CECR2: variants seen among roughly 807,000 people sequenced by gnomAD.
CECR2 encodes the protein CECR2 histone acetyl-lysine reader.
CECR2 carries 30 observed loss-of-function variants against 154.5 expected under a neutral mutation model. The observed-to-expected ratio is 0.19, with a 90% CI of 0.15 to 0.26. The LOEUF (loss-of-function observed/expected upper bound fraction) is 0.26. Among genes scored for constraint, CECR2 ranks in the 10% least tolerant of loss-of-function variants. The pLI is 1.00. For missense variants in CECR2, 1,743 were observed against 1,829.3 expected, an observed-to-expected ratio of 0.95 and a Z score of 0.86; for synonymous variants, 725 against 683.7, an observed-to-expected ratio of 1.06 and a Z score of -0.94.
At position 17,549,456 on chromosome 22, in the gene CECR2, A is replaced by AT; in HGVS notation, c.4170dup (p.Arg1391SerfsTer21). The AT allele has an allele frequency of 6.2e-7, 1 of 1,612,240 alleles. No individual in the cohort carries two copies. The highest frequency in any genetic ancestry group is 8.5e-7 in the Non-Finnish European group (1 of 1,179,142). On this transcript the variant is annotated frameshift_variant, in exon 17 of 19. Coordinates refer to ENST00000262608, the MANE Select transcript of CECR2 (RefSeq NM_001290047.2). LOFTEE classifies it high-confidence loss of function. ...GGCCTCTCTCAGGAGGGTCCCATCT[A>AT]TCGCTGCCAGGAAGAAGGCCTGGGT...
rs574214787 is a variant in CECR2 at position 17,378,132 on chromosome 22, C to T, written c.126+8223C>T. Among the ~76,000 whole-genome samples, 637 of 151,528 alleles carry T rather than the reference C, an allele frequency of 4.2e-3. 1 individual carries two copies. The highest frequency in any genetic ancestry group is 7.1e-3 in the Non-Finnish European group (483 of 67,942). ...CTGAGTAGCTGGGACTACAGGTGCC[C>T]ACCACCACGCCCGGCTAATTTTTTG... is the stretch of plus-strand genomic sequence containing the variant. On this transcript the variant is annotated intron_variant, in intron 1 of 18. Coordinates refer to ENST00000262608, the MANE Select transcript of CECR2 (RefSeq NM_001290047.2).
intron 1 of CECR2, among the ~76,000 whole-genome samples, chr22:17,379,581 G>GGTGTGTGTGTATGTGTGTGTGT (rs1555899688): frequency 4.4e-5 from 6 of 137,814 alleles, no homozygotes; most frequent in Non-Finnish European, 6.3e-5. Flanking sequence ...CTACGTTGAA[G>GGTGTGTGTGTATGTGTGTGTGT]GTGTGTGTGT....
chr22:17,459,561 G>A (rs2054905849), intron 1 of CECR2, among the ~76,000 whole-genome samples: 1 of 152,118 alleles, frequency 6.6e-6, no homozygotes. Flanking sequence ...GACTCCCCCG[G>A]CGTCGGCCTC....
chr22:17,377,589 T>A (rs2063132854), intron 1 of CECR2, among the ~76,000 whole-genome samples: 2 of 152,172 alleles, frequency 1.3e-5, no homozygotes, highest in African/African-American at 4.8e-5. Flanking sequence ...GTTTCTTATA[T>A]CTCATGTCAT....
At chr22:17,485,456 C>T (rs2055403307) in intron 2 of CECR2, among the ~76,000 whole-genome samples, 1 of 152,190 alleles carries the variant, frequency 6.6e-6, no homozygotes, top group Admixed American at 6.5e-5. Context: ...TACACCCGAA[C>T]CCAATTATAC....
At chr22:17,396,261 A>G (rs1333832804) in intron 1 of CECR2, among the ~76,000 whole-genome samples, 2 of 125,932 alleles carry the variant, frequency 1.6e-5, no homozygotes, top group African/African-American at 6.1e-5. Context: ...AAAAAAAAAC[A>G]AGGCCAGGCG....
In CECR2 at chr22:17,503,148, G is replaced by T. The variant is rs1161089057; in HGVS notation, c.700+17G>T. The T allele has an allele frequency of 1.2e-6, 2 of 1,603,784 alleles. No individual in the cohort carries two copies. The highest frequency in any genetic ancestry group is 1.7e-6 in the Non-Finnish European group (2 of 1,173,220). On this transcript the variant is annotated intron_variant, in intron 6 of 18. Transcript: ENST00000262608. ...CAAGACATGGTAATGTTCTTTACTGGCATTTAGAAAGAATTAAATAAATAT... is the reference window on the plus strand; with the variant it reads ...CAAGACATGGTAATGTTCTTTACTGTCATTTAGAAAGAATTAAATAAATAT...
chr22:17,490,361 C>T (rs926721979), intron 2 of CECR2, among the ~76,000 whole-genome samples: 2 of 152,114 alleles, frequency 1.3e-5, no homozygotes, highest in Non-Finnish European at 2.9e-5. Flanking sequence ...TCTGCTTTGT[C>T]TCATATTAAT....
At chr22:17,379,478 A>G (rs748825005) in intron 1 of CECR2, among the ~76,000 whole-genome samples, 1 of 152,040 alleles carries the variant, frequency 6.6e-6, no homozygotes, top group East Asian at 1.9e-4. Context: ...ATTGCCTGTC[A>G]GGGCACAAGG....
chr22:17,440,607 T>C (rs1035971782), intron 1 of CECR2, among the ~76,000 whole-genome samples: 6 of 152,294 alleles, frequency 3.9e-5, no homozygotes, highest in South Asian at 2.1e-4. Context: ...GCTGGGACTT[T>C]TATTGATTTA....
intron 2 of CECR2, among the ~76,000 whole-genome samples, chr22:17,482,115 CAAAAAAAAAAAAAA>C (rs869050391): frequency 2.9e-4 from 22 of 76,314 alleles, no homozygotes; most frequent in East Asian, 5.0e-4. Context: ...ACTCTGTCTC[CAAAAAAAAAAAAAA>C]AAAAAAAAAA....
In CECR2 at chr22:17,511,883, C is replaced by T. The variant is rs748289376; in HGVS notation, c.941C>T (p.Pro314Leu). 2 of 1,611,260 alleles carry T rather than the reference C, an allele frequency of 1.2e-6. No individual in the cohort carries two copies. The highest frequency in any genetic ancestry group is 1.7e-6 in the Non-Finnish European group (2 of 1,178,184). The change falls in exon 8 of 19, where the codon CCC (proline) becomes CTC (leucine). Residue 314 changes from proline to leucine, a missense_variant. Around this residue, in one of 4 missense-constraint regions of CECR2, gnomAD observed 292 missense variants for 301.2 expected, o/e 0.97. Transcript: ENST00000262608. Reference protein sequence around the residue: ...RWMSDHLSIKPVKQEETPVLT... With the variant: ...RWMSDHLSIKLVKQEETPVLT... ...ATGTCTGACCACCTGTCCATCAAAC[C>T]CGTCAAGCAAGAGGTGAGTGTGGGT... is the stretch of plus-strand genomic sequence containing the variant.
chr22:17,364,216 G>A (rs190450793), intron 1 of CECR2, among the ~76,000 whole-genome samples: 2,063 of 151,516 alleles, frequency 0.014, 54 homozygotes, highest in African/African-American at 0.048. Context: ...GGTGGCAGGC[G>A]CCTGTAGTCC....
At chr22:17,364,179 T>C (rs911601645) in intron 1 of CECR2, among the ~76,000 whole-genome samples, 26 of 151,306 alleles carry the variant, frequency 1.7e-4, no homozygotes, top group Non-Finnish European at 5.9e-5. Context: ...CCGTCTCTAC[T>C]AAAAATACAA....
chr22:17,529,934 CTT>C (rs1180858975), intron 9 of CECR2, among the ~76,000 whole-genome samples: 2 of 152,160 alleles, frequency 1.3e-5, no homozygotes, highest in Non-Finnish European at 2.9e-5. Context: ...TAATCAGACA[CTT>C]TTAAAAATTA....
intron 1 of CECR2, among the ~76,000 whole-genome samples, chr22:17,425,382 T>C (rs1029357597): frequency 6.6e-6 from 1 of 152,202 alleles, no homozygotes; most frequent in African/African-American, 2.4e-5. Flanking sequence ...GGTCCTGGTT[T>C]TTCTTGTGCT....
At position 17,557,443 on chromosome 22, in the gene CECR2, C is replaced by G. The variant is rs948552621; in HGVS notation, c.*4603C>G. On this transcript the variant is annotated 3_prime_UTR_variant, in exon 19 of 19. Transcript: ENST00000262608. ...GGATTACAGGCGTGAGCCAACACAC[C>G]GGACCTTCATTTTTTAAATTAAGCT... 6.6e-6 allele frequency: 1 copy of G among 152,244 alleles called. No homozygotes were observed. Among genetic ancestry groups the G allele is most frequent in the African/African-American group, 2.4e-5 (1 of 41,422 alleles). 9.4% of individuals were successfully genotyped at this position (152,244 alleles called of 1,614,324 possible).
intron 7 of CECR2, among the ~76,000 whole-genome samples, chr22:17,507,063 T>C (rs972930114): frequency 1.8e-4 from 28 of 152,332 alleles, no homozygotes; most frequent in African/African-American, 6.7e-4. Flanking sequence ...CCAGAAATAT[T>C]TGACCACTTG....
intron 1 of CECR2, among the ~76,000 whole-genome samples, chr22:17,388,043 C>T (rs144875756): frequency 0.011 from 1,732 of 152,120 alleles, 30 homozygotes; most frequent in African/African-American, 0.038. Flanking sequence ...TAACCTCTGC[C>T]TCCCAGGTTC....
Sources: allele counts gnomAD v4.1 joint callset (sites outside exome capture counted in the v4.1 genomes callset), GRCh38; gene constraint gnomAD v4.1.1; regional missense constraint gnomAD v4.1.1; transcripts MANE v1.5; gene names NCBI Gene and HGNC (gene_info 2026-07-23, HGNC 2026-07-21).